BRAF: variants seen among roughly 807,000 people sequenced by gnomAD.
BRAF encodes the protein B-Raf proto-oncogene, serine/threonine kinase, also known as serine/threonine-protein kinase B-raf.
A neutral mutation model predicts 104.6 loss-of-function variants in BRAF; 16 were observed. The observed-to-expected ratio is 0.15, with a 90% CI of 0.10 to 0.23. The LOEUF (loss-of-function observed/expected upper bound fraction) is 0.23, where lower values mean the gene tolerates loss of function less well. BRAF is among the 10% of genes least tolerant of loss of function. BRAF has a pLI of 1.00. For synonymous variants in BRAF, 310 were observed against 341.6 expected, an observed-to-expected ratio of 0.91 and a Z score of 1.02; for missense variants, 541 against 937.3, an observed-to-expected ratio of 0.58 and a Z score of 5.52.
At position 140,722,682 on chromosome 7, in the gene BRAF, G is replaced by C. The variant is rs1425311363; in HGVS notation, c.*3812C>G. Reference sequence around the variant, plus strand: ...GTAATCATTCTACCCTCTTAGCTGGGTGGTCTTTCTATGAATGCCTGTGCA... The same window carrying C: ...GTAATCATTCTACCCTCTTAGCTGGCTGGTCTTTCTATGAATGCCTGTGCA... On this transcript the variant is annotated 3_prime_UTR_variant, in exon 20 of 20. Transcript: ENST00000644969. 1 of 1,051,894 alleles carries C rather than the reference G, an allele frequency of 9.5e-7. No individual in the cohort carries two copies. The allele number at this position is 1,051,894 out of a possible 1,614,324, so 65.2% of individuals were successfully genotyped here. A position where few individuals can be genotyped will look rare whatever the true frequency, so the allele number is the denominator to read the frequency against.
At position 140,721,412 on chromosome 7, in the gene BRAF, A is replaced by C; in HGVS notation, c.*5082T>G. ...GTTAATTACCCTTTCCACAATTAAC[A>C]AAAATTAGAATTGAATTTCAATTTA... On this transcript the variant is annotated 3_prime_UTR_variant, in exon 20 of 20. Transcript: ENST00000644969. 3 of 1,252,432 alleles carry C rather than the reference A, an allele frequency of 2.4e-6. No homozygotes were observed. Among genetic ancestry groups the C allele is most frequent in the Non-Finnish European group, 3.0e-6 (3 of 999,882 alleles). 77.6% of individuals were successfully genotyped at this position (1,252,432 alleles called of 1,614,324 possible). A position where few individuals can be genotyped will look rare whatever the true frequency, so the allele number is the denominator to read the frequency against.
chr7:140,845,132 G>A (rs568223907), intron 2 of BRAF, among the ~76,000 whole-genome samples: 88 of 152,276 alleles, frequency 5.8e-4, no homozygotes, highest in African/African-American at 1.9e-3. Flanking sequence ...AATGGTTTTC[G>A]ACAAGGGTGC....
Position 140,724,402 on chromosome 7 carries a change from T to C in BRAF, c.*2092A>G, listed in dbSNP as rs960414041. On this transcript the variant is annotated 3_prime_UTR_variant, in exon 20 of 20. Transcript: ENST00000644969. ...AAAAAGAAAAAACAGCCAATGCTTT[T>C]CAAGAGAGGCAGTATTATTGCACAG... The C allele has an allele frequency of 9.5e-7, 1 of 1,056,150 alleles. No homozygotes were observed. Among genetic ancestry groups the C allele is most frequent in the African/African-American group, 1.7e-5 (1 of 60,598 alleles). 65.4% of individuals were successfully genotyped at this position (1,056,150 alleles called of 1,614,324 possible).
chr7:140,785,290 A>G (rs79450705), intron 10 of BRAF, among the ~76,000 whole-genome samples: 1 of 152,182 alleles, frequency 6.6e-6, no homozygotes, highest in East Asian at 1.9e-4. Flanking sequence ...AAAAACCACA[A>G]AATTAACAAA....
intron 8 of BRAF, among the ~76,000 whole-genome samples, chr7:140,788,724 G>A (rs1801641750): frequency 6.6e-6 from 1 of 151,998 alleles, no homozygotes; most frequent in Admixed American, 6.6e-5. Context: ...GAATACCTGG[G>A]ACTACAAGCA....
At chr7:140,798,262 C>CTTTTTTTTCCT (rs1554402845) in intron 7 of BRAF, among the ~76,000 whole-genome samples, 7,002 of 32,210 alleles carry the variant, frequency 0.22, 336 homozygotes, top group Middle Eastern at 0.34. Context: ...TGTATGGGGA[C>CTTTTTTTTCCT]TTTTTTTTTC....
intron 5 of BRAF, among the ~76,000 whole-genome samples, chr7:140,806,173 G>A (rs1237745711): frequency 6.6e-6 from 1 of 151,860 alleles, no homozygotes; most frequent in Non-Finnish European, 1.5e-5. Flanking sequence ...CTCTGTTTAG[G>A]GTACTCTTTA....
rs925184421 is a variant in BRAF, at chr7:140,777,193, C to CT, written c.1638-106dup. 17,023 of 952,916 alleles carry CT rather than the reference C, an allele frequency of 0.018. 17 individuals are homozygous for CT. Among genetic ancestry groups the CT allele is most frequent in the African/African-American group, 0.027 (1,520 of 56,974 alleles). The allele number at this position is 952,916 out of a possible 1,614,324, so 59.0% of individuals were successfully genotyped here. On this transcript the variant is annotated intron_variant, in intron 13 of 19. Coordinates refer to ENST00000644969, the MANE Select transcript of BRAF (RefSeq NM_001374258.1). ...GTCGGTAAAATGTTGTCAGAAAAAGCTTTTTTTTTTTTAAAAAAGGCAACA... is the reference window on the plus strand; with the variant it reads ...GTCGGTAAAATGTTGTCAGAAAAAGCTTTTTTTTTTTTTAAAAAAGGCAACA...
intron 1 of BRAF, among the ~76,000 whole-genome samples, chr7:140,891,192 T>G (rs549631292): frequency 2.0e-5 from 3 of 152,204 alleles, no homozygotes; most frequent in African/African-American, 7.2e-5. Context: ...AAAACAAAAG[T>G]ACTTAGAGAA....
chr7:140,749,000 ATTC>A, intron 17 of BRAF: 1 of 380,238 alleles, frequency 2.6e-6, no homozygotes, highest in Admixed American at 3.9e-5. Context: ...AGCAGAGCTC[ATTC>A]TTCTAATTGT....
At position 140,924,883 on chromosome 7, in the gene BRAF, C is replaced by G. The variant is rs1262380379; in HGVS notation, c.-180G>C. On this transcript the variant is annotated 5_prime_UTR_variant, in exon 1 of 20. Coordinates refer to ENST00000644969, the MANE Select transcript of BRAF (RefSeq NM_001374258.1). This position sits in a 1 kb window ranked among gnomAD's most constrained non-coding sequence, Gnocchi z 4.2. The stretch of plus-strand genomic sequence containing the variant: ...AGGGCGCCTGGGCCACCTCAGGTAC[C>G]GGCCCGCGGCCCCGGGCGCAGCCGA... 2.9e-5 allele frequency: 5 copies of G among 173,652 alleles called. No homozygotes were observed. The highest frequency in any genetic ancestry group is 5.8e-5 in the Non-Finnish European group (5 of 86,362). The allele number at this position is 173,652 out of a possible 1,614,324, so 10.8% of individuals were successfully genotyped here. A position where few individuals can be genotyped will look rare whatever the true frequency, so the allele number is the denominator to read the frequency against.
chr7:140,822,924 G>A (rs1319335083), intron 3 of BRAF, among the ~76,000 whole-genome samples: 1 of 152,154 alleles, frequency 6.6e-6, no homozygotes, highest in African/African-American at 2.4e-5. Flanking sequence ...CTGGGCACAA[G>A]TGATCCTCCT....
At chr7:140,736,816 C>T (rs970005694) in intron 18 of BRAF, among the ~76,000 whole-genome samples, 4 of 152,032 alleles carry the variant, frequency 2.6e-5, no homozygotes, top group African/African-American at 7.2e-5. Context: ...GCGAGAGGAT[C>T]GCTTGAGGCC....
At chr7:140,787,451 GTGTC>G (rs1586161711) in intron 9 of BRAF, 93 bp downstream of exon 9, 9 of 1,319,664 alleles carry the variant, frequency 6.8e-6, no homozygotes, top group African/African-American at 1.5e-5. Context: ...ATTTTTCTCT[GTGTC>G]TGTTACTTGA....
chr7:140,758,570 T>C (rs1055158054), intron 14 of BRAF, among the ~76,000 whole-genome samples: 2 of 152,044 alleles, frequency 1.3e-5, no homozygotes, highest in Non-Finnish European at 2.9e-5. Flanking sequence ...TCCACCCAAC[T>C]CAGCATCTTG....
At position 140,916,407 on chromosome 7, in the gene BRAF, C is replaced by T. The variant is rs79841429; in HGVS notation, c.138+8159G>A. Among the ~76,000 whole-genome samples, 1,168 of 152,306 alleles carry T rather than the reference C, an allele frequency of 7.7e-3. 18 individuals carry two copies. The highest frequency in any genetic ancestry group is 0.027 in the African/African-American group (1,104 of 41,562). ...CCTAAGATTCATAAAGATACTAACT[C>T]TGAAATATCACAGAACATGACATAG... On this transcript the variant is annotated intron_variant, in intron 1 of 19. Coordinates refer to ENST00000644969, the MANE Select transcript of BRAF (RefSeq NM_001374258.1).
rs1554402845 is a variant in BRAF, at chr7:140,798,262, C to CTTTTTTTTCCTTT, written c.980+2099_980+2100insAAAGGAAAAAAAA. 4.6e-4 allele frequency among the ~76,000 whole-genome samples: 15 copies of CTTTTTTTTCCTTT among 32,606 alleles called. 2 individuals carry two copies. The highest frequency in any genetic ancestry group is 8.5e-4 in the East Asian group (1 of 1,178). The allele number at this position is 32,606 out of a possible 152,430, so 21.4% of individuals were successfully genotyped here. A position where few individuals can be genotyped will look rare whatever the true frequency, so the allele number is the denominator to read the frequency against. On this transcript the variant is annotated intron_variant, in intron 7 of 19. Transcript: ENST00000644969. ...TCTAGGACAGAATGCTGTATGGGGA[C>CTTTTTTTTCCTTT]TTTTTTTTTCTTTTTTTTGAGACGG...
intron 18 of BRAF, among the ~76,000 whole-genome samples, chr7:140,737,378 A>G (rs1796527514): frequency 1.3e-5 from 2 of 152,188 alleles, no homozygotes; most frequent in Non-Finnish European, 2.9e-5. Flanking sequence ...CGAAATTAAA[A>G]TATATTTCAC....
At chr7:140,799,367 ACTG>A (rs1802850855) in intron 7 of BRAF, 1 of 232,400 alleles carries the variant, frequency 4.3e-6, no homozygotes, top group Admixed American at 5.6e-5. Flanking sequence ...TCTGTATTTC[ACTG>A]CTAATTGATT....
Sources: allele counts gnomAD v4.1 joint callset (sites outside exome capture counted in the v4.1 genomes callset), GRCh38; gene constraint gnomAD v4.1.1; non-coding constraint Gnocchi (gnomAD v3.1); transcripts MANE v1.5; gene names NCBI Gene and HGNC (gene_info 2026-07-23, HGNC 2026-07-21).